CCDC171: variants seen among roughly 807,000 people sequenced by gnomAD.
CCDC171 encodes the protein coiled-coil domain containing 171.
Under a neutral mutation model 168.2 loss-of-function variants are expected in CCDC171, and 177 were observed. That is an observed-to-expected ratio of 1.05 (90% CI 0.93 to 1.19). CCDC171 has a LOEUF of 1.19. CCDC171 is among the 50% of genes most tolerant of loss of function. The pLI, the probability that CCDC171 is intolerant of heterozygous loss-of-function variation, is 0.00. For synonymous variants in CCDC171, 687 were observed against 540.8 expected (o/e 1.27, Z -3.75); for missense variants, 1,991 against 1,539.0 (o/e 1.29, Z -4.91).
At chr9:15,576,091 C>CA (rs373120688) in intron 3 of CCDC171, among the ~76,000 whole-genome samples, 12,930 of 140,930 alleles carry the variant, frequency 0.092, 959 homozygotes, top group African/African-American at 0.21. Context: ...GACTCTGTCT[C>CA]AAAAAAAAAA....
At chr9:15,778,594 C>T (rs1383098904) in intron 19 of CCDC171, among the ~76,000 whole-genome samples, 2 of 130,800 alleles carry the variant, frequency 1.5e-5, no homozygotes, top group Admixed American at 9.0e-5. Flanking sequence ...TGTAGTGAGA[C>T]GAGATTGTGC....
intron 16 of CCDC171, among the ~76,000 whole-genome samples, chr9:15,732,722 G>C (rs2054229577): frequency 2.0e-5 from 3 of 151,994 alleles, no homozygotes; most frequent in African/African-American, 7.2e-5. Context: ...TTTAGTTTTG[G>C]CAATTATGAG....
At chr9:15,799,090 T>G (rs1199597350) in intron 21 of CCDC171, among the ~76,000 whole-genome samples, 3 of 144,800 alleles carry the variant, frequency 2.1e-5, no homozygotes, top group Non-Finnish European at 4.5e-5. Context: ...AATTAGATTT[T>G]AAAGAAATTT....
At chr9:16,008,804 A>G (rs1357388754) in intron 3 of CCDC171, among the ~76,000 whole-genome samples, 1 of 152,172 alleles carries the variant, frequency 6.6e-6, no homozygotes, top group Non-Finnish European at 1.5e-5. Context: ...AGGCCATAAC[A>G]CATGGTTGGC....
intron 6 of CCDC171, among the ~76,000 whole-genome samples, chr9:15,597,315 G>A (rs927579059): frequency 2.6e-5 from 4 of 152,056 alleles, no homozygotes; most frequent in East Asian, 1.9e-4. Flanking sequence ...TTTGAGATAC[G>A]TCCCATCAAT....
At chr9:15,740,547 A>C (rs1434322172) in intron 16 of CCDC171, among the ~76,000 whole-genome samples, 1 of 151,954 alleles carries the variant, frequency 6.6e-6, no homozygotes, top group African/African-American at 2.4e-5. Flanking sequence ...CAGTTCTCCT[A>C]CGTCAGCTTC....
chr9:16,087,301 C>T, the CCDC171 span, among the ~76,000 whole-genome samples: 30 of 152,174 alleles, frequency 2.0e-4, no homozygotes, highest in South Asian at 1.7e-3. Context: ...TTTTCTGTCT[C>T]GTTGTTCTGT....
At chr9:15,822,237 A>G (rs1201611199) in intron 21 of CCDC171, among the ~76,000 whole-genome samples, 1 of 152,180 alleles carries the variant, frequency 6.6e-6, no homozygotes, top group Non-Finnish European at 1.5e-5. Context: ...ACCCTAGAAG[A>G]AAACCTAGGC....
chr9:15,552,977 TGCAAGCTGAGGGCTGCGGGA>T (rs2038458283), upstream of CCDC171: 1 of 152,448 alleles, frequency 6.6e-6, no homozygotes, highest in Non-Finnish European at 1.5e-5. Flanking sequence ...ATCCAGGAGC[TGCAAGCTGAGGGCTGCGGGA>T]GGCGGGAGGA....
intron 11 of CCDC171, among the ~76,000 whole-genome samples, chr9:15,702,706 G>T (rs10962121): frequency 0.46 from 69,186 of 151,956 alleles, 16,089 homozygotes; most frequent in Non-Finnish European, 0.5. Context: ...CCTGCATCGG[G>T]GATTTTAGCT....
chr9:15,939,040 A>C (rs894531304), intron 25 of CCDC171, among the ~76,000 whole-genome samples: 4 of 151,128 alleles, frequency 2.6e-5, no homozygotes, highest in Non-Finnish European at 4.4e-5. Flanking sequence ...GATTCTTATG[A>C]TTATAATTAT....
chr9:15,985,743 C>A (rs1384492615), intron 3 of CCDC171, among the ~76,000 whole-genome samples: 1 of 152,154 alleles, frequency 6.6e-6, no homozygotes, highest in Non-Finnish European at 1.5e-5. Flanking sequence ...TTATTTATTT[C>A]TGATCTTCCC....
intron 1 of CCDC171, among the ~76,000 whole-genome samples, chr9:16,056,213 T>C (rs995282409): frequency 2.0e-5 from 3 of 152,242 alleles, no homozygotes; most frequent in African/African-American, 7.2e-5. Context: ...ATTTTATATA[T>C]TTTCCACATT....
chr9:15,782,341 T>G (rs2057707639), intron 20 of CCDC171, among the ~76,000 whole-genome samples: 1 of 152,242 alleles, frequency 6.6e-6, no homozygotes, highest in Non-Finnish European at 1.5e-5. Flanking sequence ...CTCCTTACAC[T>G]TGCTTTCACA....
intron 24 of CCDC171, among the ~76,000 whole-genome samples, chr9:15,879,005 A>T (rs1818239630): frequency 6.6e-6 from 1 of 152,146 alleles, no homozygotes; most frequent in Non-Finnish European, 1.5e-5. Context: ...CAGAAAAAAT[A>T]ACTATTGAGA....
rs1229158023 is a variant in CCDC171, at chr9:15,972,419, GT to G, written c.*585del. 1 of 152,548 alleles carries G rather than the reference GT, an allele frequency of 6.6e-6. No homozygotes were observed. Among genetic ancestry groups the G allele is most frequent in the Non-Finnish European group, 1.5e-5 (1 of 68,370 alleles). The allele number at this position is 152,548 out of a possible 1,614,324, so 9.4% of individuals were successfully genotyped here. On this transcript the variant is annotated 3_prime_UTR_variant, in exon 26 of 26. Transcript: ENST00000380701. ...CTCCTGGTCAATGTGAGAAGGTCAG[GT>G]TGCTCCTTGTAAAGCTACATGATAC...
intron 1 of CCDC171, among the ~76,000 whole-genome samples, chr9:15,557,359 C>T (rs2038895855): frequency 6.6e-6 from 1 of 152,092 alleles, no homozygotes; most frequent in Non-Finnish European, 1.5e-5. Flanking sequence ...AATATTAATT[C>T]TTCCTATCCA....
chr9:16,090,324 A>G, the CCDC171 span, among the ~76,000 whole-genome samples: 12 of 152,274 alleles, frequency 7.9e-5, no homozygotes, highest in East Asian at 2.3e-3. Flanking sequence ...ACAGGAACAG[A>G]AAAACACTGC....
chr9:15,756,507 T>C (rs1437670559), intron 18 of CCDC171, among the ~76,000 whole-genome samples: 1 of 152,170 alleles, frequency 6.6e-6, no homozygotes, highest in Non-Finnish European at 1.5e-5. Context: ...TAGTACCCAG[T>C]AGGCAGTTTT....
Sources: gnomAD v4.1 joint callset for allele counts (sites outside exome capture counted in the v4.1 genomes callset) on GRCh38, gnomAD v4.1.1 for gene constraint, MANE v1.5 for transcripts, NCBI Gene and HGNC (gene_info 2026-07-23, HGNC 2026-07-21) for gene names.